XPC: variants seen among roughly 807,000 people sequenced by gnomAD.
The protein encoded by XPC is XPC complex subunit, DNA damage recognition and repair factor.
XPC carries 76 observed loss-of-function variants against 95.8 expected under a neutral mutation model. The ratio of observed to expected loss-of-function variants is 0.79; its 90% CI spans 0.66 to 0.96. XPC has a LOEUF of 0.96. Ranked by LOEUF, XPC falls within the 40% of genes least tolerant of loss-of-function variation. The probability of loss-of-function intolerance (pLI) is 0.00; values close to 1 mark genes in which losing one functional copy is unlikely to be tolerated. For synonymous variants in XPC, 442 were observed against 442.1 expected (o/e 1.00, Z 0.00); for missense variants, 1,146 against 1,179.8 (o/e 0.97, Z 0.42).
chr3:14,161,940 A>G (rs930292264), intron 7 of XPC, among the ~76,000 whole-genome samples: 50 of 152,302 alleles, frequency 3.3e-4, no homozygotes, highest in African/African-American at 1.2e-3. Context: ...GAGCTAATAA[A>G]TGAATTCAGC....
In XPC at chr3:14,148,871, GCCCAGGTCATTTTCTTC is replaced by G; in HGVS notation, c.2176_2192del (p.Glu726ProfsTer67). 1.9e-6 allele frequency: 3 copies of G among 1,613,968 alleles called. No individual in the cohort carries two copies. Among genetic ancestry groups the G allele is most frequent in the South Asian group, 1.1e-5 (1 of 91,086 alleles). ...CCTCTGTCTGCCAGTAGCCAAACAG[GCCCAGGTCATTTTCTTC>G]CCGCAGCTGGGGCTCAGCAAGTCGG... is the stretch of plus-strand genomic sequence containing the variant. On this transcript the variant is annotated frameshift_variant, in exon 12 of 16. Coordinates refer to ENST00000285021, the MANE Select transcript of XPC (RefSeq NM_004628.5). LOFTEE classifies it high-confidence loss of function.
rs1022498794 is a variant in XPC at position 14,174,073 on chromosome 3, C to A, written c.104-1011G>T. ...GGGAAAAAAGACTCTCCCTTCTGAT[C>A]TAAATGAAATCATGATTAAATGTTA... is the stretch of plus-strand genomic sequence containing the variant. On this transcript the variant is annotated intron_variant, in intron 1 of 15. Coordinates refer to ENST00000285021, the MANE Select transcript of XPC (RefSeq NM_004628.5). 2.6e-4 allele frequency among the ~76,000 whole-genome samples: 39 copies of A among 152,098 alleles called. 1 individual carries two copies. Among genetic ancestry groups the A allele is most frequent in the African/African-American group, 9.2e-4 (38 of 41,418 alleles).
chr3:14,146,142 G>C lies in XPC; in HGVS notation c.2622C>G (p.Pro874=), dbSNP rs770687765. ...RYGPKSEAAA[P]HTDAGGGLSS... ...AGAGTCCACCTCCTGCATCTGTGTG[G>C]GGAGCTGCTGCCTCACTCTGGACAG... Residue 874 remains proline (P), a synonymous_variant, in exon 16 of 16, where the codon CCC becomes CCG. Transcript: ENST00000285021. 12 of 1,608,968 alleles carry C rather than the reference G, an allele frequency of 7.5e-6. No individual in the cohort carries two copies. Among genetic ancestry groups the C allele is most frequent in the Admixed American group, 3.4e-5 (2 of 59,640 alleles).
chr3:14,148,520 C>G lies in XPC; in HGVS notation c.2420+42G>C, dbSNP rs115309145. 6 of 1,606,754 alleles carry G rather than the reference C, an allele frequency of 3.7e-6. No individual in the cohort carries two copies. In the African/African-American group the frequency reaches 8.0e-5, roughly 22 times the overall value. On this transcript the variant is annotated intron_variant, in intron 13 of 15. Coordinates refer to ENST00000285021, the MANE Select transcript of XPC (RefSeq NM_004628.5). ...ATCCCCATCTCTGGAGCCACCCCTCCCCATCCCTGTGTTTAGCCTCCATCG... is the reference window on the plus strand; with the variant it reads ...ATCCCCATCTCTGGAGCCACCCCTCGCCATCCCTGTGTTTAGCCTCCATCG...
rs943806833 is a variant in XPC, at chr3:14,147,130, A to G, written c.2604+160T>C. On this transcript the variant is annotated intron_variant, in intron 15 of 15. Transcript: ENST00000285021. Reference sequence around the variant, plus strand: ...CACTCCAGGGACACCTTTCCCAACAAGGTAAAAACAAGCGGCCTTAGAGAC... The same window carrying G: ...CACTCCAGGGACACCTTTCCCAACAGGGTAAAAACAAGCGGCCTTAGAGAC... 5.4e-6 allele frequency: 4 copies of G among 746,990 alleles called. No homozygotes were observed. The African/African-American group carries it at 5.4e-5, about 10-fold the overall frequency. The allele number at this position is 746,990 out of a possible 1,614,324, so 46.3% of individuals were successfully genotyped here.
At chr3:14,156,853 C>A (rs1695933187) in intron 9 of XPC, among the ~76,000 whole-genome samples, 1 of 152,224 alleles carries the variant, frequency 6.6e-6, no homozygotes. Context: ...GGACAATCCT[C>A]TTCTAGAGCG....
intron 1 of XPC, among the ~76,000 whole-genome samples, chr3:14,175,039 G>A (rs1327345432): frequency 6.6e-6 from 1 of 152,056 alleles, no homozygotes; most frequent in Non-Finnish European, 1.5e-5. Context: ...AAACCTTCCA[G>A]CAGCAACTCA....
chr3:14,167,064 A>G (rs1313037990), intron 5 of XPC, 105 bp downstream of exon 5: 1 of 1,006,546 alleles, frequency 9.9e-7, no homozygotes, highest in Non-Finnish European at 1.4e-6. Context: ...AGAGTAAGAA[A>G]CTTGCCATGG....
In XPC at chr3:14,145,597, T is replaced by C. The variant is rs1413276072; in HGVS notation, c.*344A>G. On this transcript the variant is annotated 3_prime_UTR_variant, in exon 16 of 16. Coordinates refer to ENST00000285021, the MANE Select transcript of XPC (RefSeq NM_004628.5). Reference sequence around the variant, plus strand: ...TCCAGAAATCTCCCGGTGGCTTCCATACAAAAACTGATGTTTCTAAAGATG... The same window carrying C: ...TCCAGAAATCTCCCGGTGGCTTCCACACAAAAACTGATGTTTCTAAAGATG... 1.4e-6 allele frequency: 1 copy of C among 699,400 alleles called. No individual in the cohort carries two copies. Among genetic ancestry groups the C allele is most frequent in the Non-Finnish European group, 2.6e-6 (1 of 384,766 alleles). The allele number at this position is 699,400 out of a possible 1,614,324, so 43.3% of individuals were successfully genotyped here. A position where few individuals can be genotyped will look rare whatever the true frequency, so the allele number is the denominator to read the frequency against.
At position 14,158,973 on chromosome 3, in the gene XPC, G is replaced by C. The variant is rs3731127; in HGVS notation, c.991-81C>G. On this transcript the variant is annotated intron_variant, in intron 8 of 15. Coordinates refer to ENST00000285021, the MANE Select transcript of XPC (RefSeq NM_004628.5). The surrounding 1 kb of genome is among the most constrained non-coding windows in gnomAD (Gnocchi z 5.2). ...ATGATAGAAATCCTGTAATCTAATA[G>C]GGTTAAGTCACCAGCTAGAGAACCA... The C allele has an allele frequency of 6.4e-7, 1 of 1,570,366 alleles. No individual in the cohort carries two copies.
intron 10 of XPC, chr3:14,152,648 G>A (rs887923509): frequency 1.3e-5 from 6 of 472,288 alleles, no homozygotes; most frequent in African/African-American, 2.0e-5. Flanking sequence ...CAGCCTTTGT[G>A]CCTTGCCTCC....
Position 14,145,293 on chromosome 3 carries a change from G to C in XPC, c.*648C>G, listed in dbSNP as rs1015682387. 2.9e-6 allele frequency: 2 copies of C among 697,428 alleles called. No homozygotes were observed. Among genetic ancestry groups the C allele is most frequent in the East Asian group, 2.7e-5 (1 of 37,256 alleles). 43.2% of individuals were successfully genotyped at this position (697,428 alleles called of 1,614,324 possible). A position where few individuals can be genotyped will look rare whatever the true frequency, so the allele number is the denominator to read the frequency against. ...CTAACATTTCCTTAATTTTCAATTCGTATTTTTCCTTTTCTTTCCTGATTT... is the reference window on the plus strand; with the variant it reads ...CTAACATTTCCTTAATTTTCAATTCCTATTTTTCCTTTTCTTTCCTGATTT... On this transcript the variant is annotated 3_prime_UTR_variant, in exon 16 of 16. Coordinates refer to ENST00000285021, the MANE Select transcript of XPC (RefSeq NM_004628.5).
intron 14 of XPC, 87 bp from the exon 15 acceptor site, chr3:14,147,466 CAG>C (rs1327486302): frequency 4.0e-6 from 5 of 1,237,394 alleles, no homozygotes; most frequent in Non-Finnish European, 4.6e-6. Context: ...AATGTAAAGA[CAG>C]ATATATACAC....
At position 14,145,683 on chromosome 3, in the gene XPC, G is replaced by C. The variant is rs1290645417; in HGVS notation, c.*258C>G. On this transcript the variant is annotated 3_prime_UTR_variant, in exon 16 of 16. Coordinates refer to ENST00000285021, the MANE Select transcript of XPC (RefSeq NM_004628.5). ...TAGCAAAGTGTTCTGTAGCTCAAAG[G>C]GTGAGTGGGCTTTGGTAGCAAAAAG... The C allele has an allele frequency of 5.7e-6, 4 of 699,406 alleles. No homozygotes were observed. The highest frequency in any genetic ancestry group is 2.0e-5 in the Admixed American group (1 of 49,972). The allele number at this position is 699,406 out of a possible 1,614,324, so 43.3% of individuals were successfully genotyped here. A position where few individuals can be genotyped will look rare whatever the true frequency, so the allele number is the denominator to read the frequency against.
intron 10 of XPC, 62 bp from the exon 11 acceptor site, chr3:14,152,478 G>T: frequency 6.7e-7 from 1 of 1,501,896 alleles, no homozygotes; most frequent in Non-Finnish European, 9.1e-7. Flanking sequence ...GGGAATGCGG[G>T]ACAGTGGAGA....
At chr3:14,167,780 A>C (rs1008843574) in intron 4 of XPC, among the ~76,000 whole-genome samples, 2 of 152,170 alleles carry the variant, frequency 1.3e-5, no homozygotes, top group African/African-American at 2.4e-5. Flanking sequence ...CCAAGCCATC[A>C]GAGGCTGCAG....
chr3:14,147,872 G>A (rs371567085), intron 14 of XPC, 36 bp downstream of exon 14: 32 of 1,551,010 alleles, frequency 2.1e-5, no homozygotes, highest in Admixed American at 3.8e-5. Context: ...GTTGCTTCCC[G>A]CTTCTGCTGT....
In XPC at chr3:14,173,053, TC is replaced by T; in HGVS notation, c.112del (p.Glu38LysfsTer41). The T allele has an allele frequency of 6.3e-7, 1 of 1,581,666 alleles. No individual in the cohort carries two copies. Among genetic ancestry groups the T allele is most frequent in the East Asian group, 2.2e-5 (1 of 44,496 alleles). Reference sequence around the variant, plus strand: ...GCTCTTCTTTGGGGGTTTCTCATCTTCAAAGGCATCTAGGTGACAACACAGA... The same window carrying T: ...GCTCTTCTTTGGGGGTTTCTCATCTTAAAGGCATCTAGGTGACAACACAGA... ...RREEEEEDAF[E>X]DEKPPKKSLL... is the part of the protein sequence containing the mutation. On this transcript the variant is annotated frameshift_variant, in exon 2 of 16. Coordinates refer to ENST00000285021, the MANE Select transcript of XPC (RefSeq NM_004628.5). LOFTEE classifies it high-confidence loss of function.
chr3:14,176,842 T>G (rs545204019), intron 1 of XPC, among the ~76,000 whole-genome samples: 1 of 152,254 alleles, frequency 6.6e-6, no homozygotes, highest in African/African-American at 2.4e-5. Flanking sequence ...GGCTCATGCC[T>G]GTAATCCCAA....
Sources: gnomAD v4.1 joint callset for allele counts (sites outside exome capture counted in the v4.1 genomes callset) on GRCh38, gnomAD v4.1.1 for gene constraint, Gnocchi (gnomAD v3.1) non-coding constraint, MANE v1.5 for transcripts, NCBI Gene and HGNC (gene_info 2026-07-23, HGNC 2026-07-21) for gene names.